RFTN1: variants seen among roughly 807,000 people sequenced by gnomAD.
The protein encoded by RFTN1 is raftlin.
Under a neutral mutation model 46.5 loss-of-function variants are expected in RFTN1, and 26 were observed. The observed-to-expected ratio is 0.56, with a 90% CI of 0.41 to 0.78. RFTN1 has a LOEUF of 0.78. Ranked by LOEUF, RFTN1 falls within the 30% of genes least tolerant of loss-of-function variation. The pLI, the probability that RFTN1 is intolerant of heterozygous loss-of-function variation, is 0.00. For synonymous variants in RFTN1, 261 were observed against 284.2 expected, an observed-to-expected ratio of 0.92 and a Z score of 0.82; for missense variants, 693 against 718.7, an observed-to-expected ratio of 0.96 and a Z score of 0.41.
At position 16,376,060 on chromosome 3, in the gene RFTN1, G is replaced by A. The variant is rs1053689905; in HGVS notation, c.826+1658C>T. Among the ~76,000 whole-genome samples the A allele has an allele frequency of 4.6e-5, 7 of 152,120 alleles. No homozygotes were observed. The highest frequency in any genetic ancestry group is 1.7e-4 in the African/African-American group (7 of 41,420). On this transcript the variant is annotated intron_variant, in intron 5 of 9. Coordinates refer to ENST00000334133, the MANE Select transcript of RFTN1 (RefSeq NM_015150.2). This position sits in a 1 kb window ranked among gnomAD's most constrained non-coding sequence, Gnocchi z 4.7. ...TCTGGAAGGAGTATCGGAGGAAGGT[G>A]GGCTCTGGAACACAGGAAGCATCTG...
chr3:16,383,091 T>G lies in RFTN1; in HGVS notation c.442-4989A>C, dbSNP rs2074050196. Among the ~76,000 whole-genome samples, 1 of 152,188 alleles carries G rather than the reference T, an allele frequency of 6.6e-6. No homozygotes were observed. Among genetic ancestry groups the G allele is most frequent in the Admixed American group, 6.5e-5 (1 of 15,272 alleles). Reference sequence around the variant, plus strand: ...ATACCTTACAGAAGAGAAAACTGCTTAAGACATTCTGTGACTGGTCAAACC... The same window carrying G: ...ATACCTTACAGAAGAGAAAACTGCTGAAGACATTCTGTGACTGGTCAAACC... On this transcript the variant is annotated intron_variant, in intron 4 of 9. Coordinates refer to ENST00000334133, the MANE Select transcript of RFTN1 (RefSeq NM_015150.2). The surrounding 1 kb of genome is among the most constrained non-coding windows in gnomAD (Gnocchi z 4.0).
In RFTN1 at chr3:16,320,383, C is replaced by T. The variant is rs933449534; in HGVS notation, c.1332+2993G>A. 1.6e-4 allele frequency among the ~76,000 whole-genome samples: 24 copies of T among 152,160 alleles called. No individual in the cohort carries two copies. The highest frequency in any genetic ancestry group is 4.8e-4 in the African/African-American group (20 of 41,420). On this transcript the variant is annotated intron_variant, in intron 9 of 9. Transcript: ENST00000334133. The surrounding 1 kb of genome is among the most constrained non-coding windows in gnomAD (Gnocchi z 4.5). ...GTGTGCCAATCTTGCAGTTTCTTTT[C>T]TTAAGTTTTAATGCTAGACATACTA...
intron 8 of RFTN1, among the ~76,000 whole-genome samples, chr3:16,324,613 A>ATC (rs1553718056): frequency 1.1e-5 from 1 of 90,828 alleles, no homozygotes; most frequent in South Asian, 3.7e-4. Context: ...AATGTCCCTG[A>ATC]CCCCCCCCCT....
intron 5 of RFTN1, among the ~76,000 whole-genome samples, chr3:16,371,641 C>T (rs893408779): frequency 6.6e-6 from 1 of 152,224 alleles, no homozygotes; most frequent in African/African-American, 2.4e-5. Context: ...TCAGCAATAC[C>T]TGAATGAACA....
At position 16,327,762 on chromosome 3, in the gene RFTN1, A is replaced by T. The variant is rs1435426074; in HGVS notation, c.1147-886T>A. Among the ~76,000 whole-genome samples, 2 of 30,886 alleles carry T rather than the reference A, an allele frequency of 6.5e-5. No individual in the cohort carries two copies. The highest frequency in any genetic ancestry group is 2.4e-4 in the African/African-American group (2 of 8,292). 20.3% of individuals were successfully genotyped at this position (30,886 alleles called of 152,430 possible). A position where few individuals can be genotyped will look rare whatever the true frequency, so the allele number is the denominator to read the frequency against. ...GGTGACAGAGCGGGATTCCCATCTC[A>T]AAAAAAAAAACAAAACGAAAAAAAC... On this transcript the variant is annotated intron_variant, in intron 7 of 9. Coordinates refer to ENST00000334133, the MANE Select transcript of RFTN1 (RefSeq NM_015150.2). The surrounding 1 kb of genome is among the most constrained non-coding windows in gnomAD (Gnocchi z 4.2).
rs2071091050 is a variant in RFTN1 at position 16,338,702 on chromosome 3, A to T, written c.1147-11826T>A. On this transcript the variant is annotated intron_variant, in intron 7 of 9. Coordinates refer to ENST00000334133, the MANE Select transcript of RFTN1 (RefSeq NM_015150.2). The surrounding 1 kb of genome is among the most constrained non-coding windows in gnomAD (Gnocchi z 5.3). ...ACTTTATTACTCTCTTTAGACTATCAGAGATGAATGAGGGATCCTATATCA... is the reference window on the plus strand; with the variant it reads ...ACTTTATTACTCTCTTTAGACTATCTGAGATGAATGAGGGATCCTATATCA... Among the ~76,000 whole-genome samples the T allele has an allele frequency of 6.6e-6, 1 of 152,256 alleles. No individual in the cohort carries two copies. The highest frequency in any genetic ancestry group is 6.5e-5 in the Admixed American group (1 of 15,288).
In RFTN1 at chr3:16,410,726, T is replaced by C. The variant is rs1375003820; in HGVS notation, c.333-1243A>G. 6.6e-6 allele frequency among the ~76,000 whole-genome samples: 1 copy of C among 152,182 alleles called. No homozygotes were observed. Among genetic ancestry groups the C allele is most frequent in the Non-Finnish European group, 1.5e-5 (1 of 68,024 alleles). On this transcript the variant is annotated intron_variant, in intron 3 of 9. Transcript: ENST00000334133. The surrounding 1 kb of genome is among the most constrained non-coding windows in gnomAD (Gnocchi z 4.6). ...GCTTCCTAGCGCACCCTGCCATCTC[T>C]GCACACAGGGGCTGCTTTCCAAAGC... is the stretch of plus-strand genomic sequence containing the variant.
rs2070773588 is a variant in RFTN1 at position 16,335,675 on chromosome 3, G to T, written c.1147-8799C>A. 6.6e-6 allele frequency among the ~76,000 whole-genome samples: 1 copy of T among 151,928 alleles called. No individual in the cohort carries two copies. Among genetic ancestry groups the T allele is most frequent in the Non-Finnish European group, 1.5e-5 (1 of 67,986 alleles). On this transcript the variant is annotated intron_variant, in intron 7 of 9. Coordinates refer to ENST00000334133, the MANE Select transcript of RFTN1 (RefSeq NM_015150.2). This position sits in a 1 kb window ranked among gnomAD's most constrained non-coding sequence, Gnocchi z 4.7. ...AGGAAAAATAGCTAATGGATGCTGG[G>T]CTTCATACCTAGGTGATAGCCTGAT...
At chr3:16,332,057 G>A (rs2070371516) in intron 7 of RFTN1, among the ~76,000 whole-genome samples, 2 of 151,782 alleles carry the variant, frequency 1.3e-5, no homozygotes, top group African/African-American at 4.8e-5. Context: ...TTCTCCCCTA[G>A]AAGTTCCGGA....
At chr3:16,414,642 C>T (rs1188695733) in intron 3 of RFTN1, among the ~76,000 whole-genome samples, 1 of 151,440 alleles carries the variant, frequency 6.6e-6, no homozygotes, top group African/African-American at 2.4e-5. Flanking sequence ...AAAAGAAACA[C>T]AGCAGCAGGG....
intron 3 of RFTN1, among the ~76,000 whole-genome samples, chr3:16,414,905 C>T (rs751136185): frequency 4.8e-4 from 73 of 152,118 alleles, no homozygotes; most frequent in Admixed American, 8.5e-4. Flanking sequence ...AGTTGGAGAG[C>T]CTCAGGGGAG....
chr3:16,434,389 C>CA (rs770025623), intron 2 of RFTN1, among the ~76,000 whole-genome samples: 1,256 of 100,828 alleles, frequency 0.012, 8 homozygotes, highest in African/African-American at 0.023. Flanking sequence ...AACAAACAAA[C>CA]AAACAAAAAC....
chr3:16,363,991 A>G (rs2072995912), intron 6 of RFTN1, among the ~76,000 whole-genome samples: 1 of 152,220 alleles, frequency 6.6e-6, no homozygotes, highest in African/African-American at 2.4e-5. Flanking sequence ...TTGCTTCCCA[A>G]TCACACTGCA....
chr3:16,331,302 G>C (rs540150135), intron 7 of RFTN1, among the ~76,000 whole-genome samples: 9 of 152,230 alleles, frequency 5.9e-5, no homozygotes, highest in Non-Finnish European at 1.3e-4. Flanking sequence ...ATCAGTTTTA[G>C]GTATCCTAAT....
rs1559843974 is a variant in RFTN1, at chr3:16,345,855, T to TGTGTGTGC, written c.1146+12076_1146+12077insGCACACAC. Among the ~76,000 whole-genome samples, 114 of 61,738 alleles carry TGTGTGTGC rather than the reference T, an allele frequency of 1.8e-3. 2 individuals are homozygous for TGTGTGTGC. Among genetic ancestry groups the TGTGTGTGC allele is most frequent in the Admixed American group, 3.4e-3 (24 of 7,026 alleles). 40.5% of individuals were successfully genotyped at this position (61,738 alleles called of 152,430 possible). On this transcript the variant is annotated intron_variant, in intron 7 of 9. Coordinates refer to ENST00000334133, the MANE Select transcript of RFTN1 (RefSeq NM_015150.2). This position sits in a 1 kb window ranked among gnomAD's most constrained non-coding sequence, Gnocchi z 5.2. ...GCGCGCACGCGCACATGTGCATGTG[T>TGTGTGTGC]ATGTGTATAATCTCCTACTGGTTCT...
At chr3:16,349,123 C>G (rs2071923160) in intron 7 of RFTN1, 1 of 152,214 alleles carries the variant, frequency 6.6e-6, no homozygotes, top group Admixed American at 6.5e-5. Context: ...AATGACTTAC[C>G]TGGGCAACAC....
chr3:16,377,797 A>C lies in RFTN1; in HGVS notation c.747T>G (p.Leu249=). 1 of 1,614,106 alleles carries C rather than the reference A, an allele frequency of 6.2e-7. No homozygotes were observed. The part of the protein sequence containing the change: ...SPSGEGDGGE[L]SPQGVSKTLD... ...GTGTCTTGCTCACCCCCTGTGGTGA[A>C]AGTTCTCCACCATCTCCCTCTCCGG... The change falls in exon 5 of 10, where the codon CTT becomes CTG. Residue 249 remains leucine, a synonymous_variant. Transcript: ENST00000334133.
At chr3:16,396,794 G>A (rs1412910446) in intron 4 of RFTN1, among the ~76,000 whole-genome samples, 1 of 152,190 alleles carries the variant, frequency 6.6e-6, no homozygotes, top group African/African-American at 2.4e-5. Context: ...TGAGCGCAGT[G>A]GCTCACACCT....
At chr3:16,491,308 T>C (rs2076534891) in intron 2 of RFTN1, among the ~76,000 whole-genome samples, 1 of 151,718 alleles carries the variant, frequency 6.6e-6, no homozygotes, top group Middle Eastern at 3.2e-3. Flanking sequence ...AAGAGCAAAG[T>C]CAAAGCAGCG....
Sources: allele counts gnomAD v4.1 joint callset (sites outside exome capture counted in the v4.1 genomes callset), GRCh38; gene constraint gnomAD v4.1.1; non-coding constraint Gnocchi (gnomAD v3.1); transcripts MANE v1.5; gene names NCBI Gene and HGNC (gene_info 2026-07-23, HGNC 2026-07-21).